TAF1A: variants seen among roughly 807,000 people sequenced by gnomAD.
TAF1A encodes TATA-box binding protein associated factor, RNA polymerase I subunit A, also known as TATA box-binding protein-associated factor RNA polymerase I subunit A.
Under a neutral mutation model 61.6 loss-of-function variants are expected in TAF1A, and 42 were observed. That is an observed-to-expected ratio of 0.68 (90% confidence interval 0.53 to 0.88). TAF1A has a LOEUF of 0.88. Among genes scored for constraint, TAF1A ranks in the 40% least tolerant of loss-of-function variants. The probability of loss-of-function intolerance (pLI) is 0.00; values close to 1 mark genes in which losing one functional copy is unlikely to be tolerated. For missense variants in TAF1A, 424 were observed against 518.7 expected (o/e 0.82, Z 1.77); for synonymous variants, 179 against 177.7 (o/e 1.01, Z -0.06).
In TAF1A at chr1:222,569,425, C is replaced by T. The variant is rs747624522; in HGVS notation, c.894+85G>A. 1.4e-5 allele frequency: 22 copies of T among 1,610,014 alleles called. No individual in the cohort carries two copies. The Admixed American group carries it at 3.7e-4, about 27-fold the overall frequency. ...ACATTATTGAAATTTTCTGTAGATG[C>T]TATAAAAGTTAGAAAGCAATGGCCT... On this transcript the variant is annotated intron_variant, in intron 7 of 10. Transcript: ENST00000352967.
Position 222,561,394 on chromosome 1 carries a change from C to G in TAF1A, c.1210G>C (p.Ala404Pro). 5 of 1,607,736 alleles carry G rather than the reference C, an allele frequency of 3.1e-6. No homozygotes were observed. Among genetic ancestry groups the G allele is most frequent in the Non-Finnish European group, 3.4e-6 (4 of 1,177,704 alleles). The change falls in exon 10 of 11, where the codon GCT becomes CCT. Residue 404 changes from alanine to proline, a missense_variant. Ala to Pro is a conservative substitution (Grantham distance 27, BLOSUM62 -1). Coordinates refer to ENST00000352967, the MANE Select transcript of TAF1A (RefSeq NM_005681.4). ...CCTAACAGTAAACCAGCCACAAAAG[C>G]TTTCTCACAGGCCAAAGCTGTATCT... ...KEDTALACEK[A>P]FVAGLLLGKG...
intron 10 of TAF1A, among the ~76,000 whole-genome samples, chr1:222,560,803 C>T (rs375765687): frequency 2.6e-5 from 4 of 152,066 alleles, no homozygotes; most frequent in South Asian, 2.1e-4. Flanking sequence ...TCGGTACTGG[C>T]CACCTTTTAA....
rs759324850 is a variant in TAF1A, at chr1:222,588,585, C to G, written c.-2-20G>C. On this transcript the variant is annotated intron_variant, in intron 1 of 10. Coordinates refer to ENST00000352967, the MANE Select transcript of TAF1A (RefSeq NM_005681.4). ...TCATACCTATTACAAGATGAGATAT[C>G]AGTTACTTTCTGTACATCTTAATCC... The G allele has an allele frequency of 2.5e-6, 4 of 1,610,342 alleles. No homozygotes were observed. Among genetic ancestry groups the G allele is most frequent in the Non-Finnish European group, 3.4e-6 (4 of 1,178,804 alleles).
chr1:222,573,744 T>C (rs1305843227), intron 5 of TAF1A, among the ~76,000 whole-genome samples: 1 of 152,158 alleles, frequency 6.6e-6, no homozygotes, highest in East Asian at 1.9e-4. Flanking sequence ...ATTTCTCTCT[T>C]AGGTATATAC....
chr1:222,554,912 G>C (rs1276267953), downstream of TAF1A, among the ~76,000 whole-genome samples: 1 of 152,060 alleles, frequency 6.6e-6, no homozygotes, highest in Non-Finnish European at 1.5e-5. Context: ...ATCAGCTAGG[G>C]ACTAATAATC....
chr1:222,554,794 C>A (rs148250037), downstream of TAF1A, among the ~76,000 whole-genome samples: 307 of 152,250 alleles, frequency 2.0e-3, no homozygotes, highest in African/African-American at 7.3e-3. Context: ...GAACCCAGAC[C>A]TTTCTGACTC....
At chr1:222,557,526 C>T (rs184661512), downstream of TAF1A, among the ~76,000 whole-genome samples, 3 of 152,322 alleles carry the variant, frequency 2.0e-5, no homozygotes, top group East Asian at 5.8e-4. Flanking sequence ...TCTCAGCTCA[C>T]TGCAGCCTCC....
intron 7 of TAF1A, 163 bp downstream of exon 7, chr1:222,569,347 T>A (rs751609462): frequency 6.5e-7 from 1 of 1,536,624 alleles, no homozygotes; most frequent in Non-Finnish European, 8.7e-7. Context: ...GGATGATACA[T>A]ACATGGAGAT....
intron 4 of TAF1A, among the ~76,000 whole-genome samples, chr1:222,578,896 T>C (rs1463324917): frequency 6.6e-6 from 1 of 152,198 alleles, no homozygotes; most frequent in Non-Finnish European, 1.5e-5. Flanking sequence ...CTCAGACTCT[T>C]ATTGAGAAAT....
chr1:222,586,006 A>AT (rs1259314470), intron 2 of TAF1A, among the ~76,000 whole-genome samples: 1 of 152,152 alleles, frequency 6.6e-6, no homozygotes, highest in East Asian at 1.9e-4. Context: ...GTAGTACTCA[A>AT]TTTTTCAGAA....
At chr1:222,562,753 G>A (rs1039342699) in intron 9 of TAF1A, among the ~76,000 whole-genome samples, 1 of 152,094 alleles carries the variant, frequency 6.6e-6, no homozygotes, top group South Asian at 2.1e-4. Flanking sequence ...ACTAGTGTAT[G>A]ATGATCTTGT....
At chr1:222,581,225 C>T (rs2102674308) in intron 3 of TAF1A, among the ~76,000 whole-genome samples, 1 of 152,356 alleles carries the variant, frequency 6.6e-6, no homozygotes, top group African/African-American at 2.4e-5. Context: ...TCAAAAACCA[C>T]TGATCCAATT....
chr1:222,554,995 C>T (rs899378351), downstream of TAF1A, among the ~76,000 whole-genome samples: 2 of 152,156 alleles, frequency 1.3e-5, no homozygotes, highest in Admixed American at 6.5e-5. Flanking sequence ...AAAGGACCTA[C>T]ATAGACACTT....
chr1:222,587,434 T>C (rs1661058928), intron 2 of TAF1A, among the ~76,000 whole-genome samples: 2 of 152,120 alleles, frequency 1.3e-5, no homozygotes, highest in South Asian at 2.1e-4. Flanking sequence ...AATGGGATGA[T>C]ACTTAGATCA....
intron 2 of TAF1A, among the ~76,000 whole-genome samples, chr1:222,585,048 A>C (rs1338291508): frequency 6.6e-6 from 1 of 152,224 alleles, no homozygotes; most frequent in East Asian, 1.9e-4. Context: ...TTAATCTCCT[A>C]GACAGCTGTG....
At chr1:222,580,091 T>C (rs1660729190) in intron 3 of TAF1A, among the ~76,000 whole-genome samples, 1 of 152,198 alleles carries the variant, frequency 6.6e-6, no homozygotes, top group Non-Finnish European at 1.5e-5. Context: ...AAATATCAGA[T>C]AGTATAATAG....
Position 222,577,554 on chromosome 1 carries a change from A to G in TAF1A, c.495T>C (p.His165=). Residue 165 remains histidine (H), a synonymous_variant, in exon 5 of 11, where the codon CAT becomes CAC. Coordinates refer to ENST00000352967, the MANE Select transcript of TAF1A (RefSeq NM_005681.4). Reference sequence around the variant, plus strand: ...TTTCCCGGGAAGACGTATTTTCACCATGTCTCCATGTCTCTGCCTCACTCA... The same window carrying G: ...TTTCCCGGGAAGACGTATTTTCACCGTGTCTCCATGTCTCTGCCTCACTCA... ...RNLSEAETWR[H]GENTSSREIL... is the part of the protein sequence containing the mutation. The G allele has an allele frequency of 6.2e-7, 1 of 1,613,952 alleles. No homozygotes were observed. The highest frequency in any genetic ancestry group is 8.5e-7 in the Non-Finnish European group (1 of 1,179,888).
At chr1:222,557,611 C>T (rs369036207), downstream of TAF1A, among the ~76,000 whole-genome samples, 51 of 128,766 alleles carry the variant, frequency 4.0e-4, no homozygotes, top group African/African-American at 4.3e-4. Context: ...CCACCAAGCC[C>T]GGCTAATTTT....
intron 4 of TAF1A, among the ~76,000 whole-genome samples, chr1:222,578,750 A>G (rs1660670729): frequency 6.6e-6 from 1 of 152,204 alleles, no homozygotes; most frequent in Non-Finnish European, 1.5e-5. Context: ...TATGGTACCC[A>G]TAACACTTCA....
Sources: gnomAD v4.1 joint callset for allele counts (sites outside exome capture counted in the v4.1 genomes callset) on GRCh38, gnomAD v4.1.1 for gene constraint, MANE v1.5 for transcripts, NCBI Gene and HGNC (gene_info 2026-07-23, HGNC 2026-07-21) for gene names.